The following ELFN1 variants were observed in gnomAD, a reference collection of about 807,000 sequenced individuals.
The protein encoded by ELFN1 is extracellular leucine rich repeat and fibronectin type III domain containing 1.
ELFN1 carries 6 observed loss-of-function variants against 7.6 expected under a neutral mutation model. The observed-to-expected ratio is 0.79, with a 90% CI of 0.43 to 1.56. The LOEUF (loss-of-function observed/expected upper bound fraction) is 1.56. Among genes scored for constraint, ELFN1 ranks in the 40% most tolerant of loss-of-function variants. ELFN1 has a pLI of 0.01. For missense variants in ELFN1, 1,169 were observed against 1,232.2 expected, an observed-to-expected ratio of 0.95 and a Z score of 0.77; for synonymous variants, 657 against 588.1, an observed-to-expected ratio of 1.12 and a Z score of -1.70.
At chr7:1,715,540 T>A (rs969695975) in intron 3 of ELFN1, among the ~76,000 whole-genome samples, 1 of 152,214 alleles carries the variant, frequency 6.6e-6, no homozygotes, top group Non-Finnish European at 1.5e-5. Flanking sequence ...CTGGGTCTCC[T>A]GCCCACTTCT....
chr7:1,715,005 C>A (rs977183334), intron 3 of ELFN1, among the ~76,000 whole-genome samples: 3 of 152,188 alleles, frequency 2.0e-5, no homozygotes, highest in Admixed American at 1.3e-4. Flanking sequence ...GCCATCGTAT[C>A]TGCATCCCAG....
chr7:1,701,993 C>T (rs1444293787), intron 2 of ELFN1, among the ~76,000 whole-genome samples: 4 of 151,938 alleles, frequency 2.6e-5, no homozygotes, highest in Admixed American at 2.0e-4. Flanking sequence ...AAAGTTATGC[C>T]TCCTCTCTCT....
At chr7:1,709,431 A>T (rs1779603841) in intron 3 of ELFN1, among the ~76,000 whole-genome samples, 179 bp downstream of exon 3, 1 of 152,340 alleles carries the variant, frequency 6.6e-6, no homozygotes, top group Admixed American at 6.5e-5. Flanking sequence ...CTGCCCTCAG[A>T]TGAAGGGAGT....
chr7:1,727,189 G>A (rs1259358937), intron 3 of ELFN1, among the ~76,000 whole-genome samples: 1 of 152,204 alleles, frequency 6.6e-6, no homozygotes, highest in Non-Finnish European at 1.5e-5. Context: ...TGAGAATGAA[G>A]AATGAATGAG....
chr7:1,675,829 C>T (rs530440880), intron 1 of ELFN1, among the ~76,000 whole-genome samples: 2 of 152,328 alleles, frequency 1.3e-5, no homozygotes, highest in Non-Finnish European at 2.9e-5. Flanking sequence ...GAAGGTGTCC[C>T]GGAGATACCC....
At chr7:1,692,105 A>G (rs1421765625) in intron 2 of ELFN1, 3 of 152,238 alleles carry the variant, frequency 2.0e-5, no homozygotes, top group Non-Finnish European at 4.4e-5. Flanking sequence ...CCCTCCTGGC[A>G]TCTGCTATTT....
chr7:1,716,678 C>A (rs570333673), intron 3 of ELFN1, among the ~76,000 whole-genome samples: 107 of 152,212 alleles, frequency 7.0e-4, no homozygotes, highest in Admixed American at 2.8e-3. Context: ...TGTCCCCTCC[C>A]CCTGCAAACT....
intron 3 of ELFN1, among the ~76,000 whole-genome samples, chr7:1,742,577 C>T (rs1160508821): frequency 6.6e-6 from 1 of 152,200 alleles, no homozygotes; most frequent in Non-Finnish European, 1.5e-5. Flanking sequence ...CACATCCAAC[C>T]GGACCACGTG....
chr7:1,717,722 T>C (rs1779877428), intron 3 of ELFN1, among the ~76,000 whole-genome samples: 1 of 151,968 alleles, frequency 6.6e-6, no homozygotes, highest in South Asian at 2.1e-4. Context: ...GTATGAGAGA[T>C]GGCAGAAACA....
At chr7:1,713,424 A>T (rs1371253889) in intron 3 of ELFN1, among the ~76,000 whole-genome samples, 2 of 152,154 alleles carry the variant, frequency 1.3e-5, no homozygotes, top group African/African-American at 4.8e-5. Context: ...GATCCCTTCT[A>T]GGGACATCCT....
intron 3 of ELFN1, among the ~76,000 whole-genome samples, chr7:1,718,195 C>A (rs575161756): frequency 1.3e-5 from 2 of 152,326 alleles, no homozygotes; most frequent in South Asian, 2.1e-4. Flanking sequence ...CACTTCAACT[C>A]CACTCACGTC....
At chr7:1,743,174 C>T (rs954566151) in intron 3 of ELFN1, among the ~76,000 whole-genome samples, 8 of 152,192 alleles carry the variant, frequency 5.3e-5, no homozygotes, top group Non-Finnish European at 1.2e-4. Flanking sequence ...GTCCTTCCTG[C>T]CTGGGGCTTC....
At position 1,704,572 on chromosome 7, in the gene ELFN1, C is replaced by T. The variant is rs192546260; in HGVS notation, c.-455-4519C>T. Among the ~76,000 whole-genome samples, 5 of 152,084 alleles carry T rather than the reference C, an allele frequency of 3.3e-5. No individual in the cohort carries two copies. The East Asian group carries it at 7.7e-4, about 24-fold the overall frequency. On this transcript the variant is annotated intron_variant, in intron 2 of 3. Coordinates refer to ENST00000424383, the MANE Select transcript of ELFN1 (RefSeq NM_001128636.4). The stretch of plus-strand genomic sequence containing the variant: ...CTCCTCCCCACCCCAGGAGGCTCCA[C>T]CTACAGCAGTACTAGGTGGGGGTCA...
chr7:1,675,362 C>A (rs974317228), intron 1 of ELFN1, among the ~76,000 whole-genome samples: 3 of 152,216 alleles, frequency 2.0e-5, no homozygotes, highest in African/African-American at 7.2e-5. Flanking sequence ...CAGGTGCACA[C>A]CCCGGCATTG....
intron 3 of ELFN1, among the ~76,000 whole-genome samples, chr7:1,710,140 T>A (rs951897417): frequency 6.6e-6 from 1 of 152,258 alleles, no homozygotes; most frequent in Non-Finnish European, 1.5e-5. Context: ...AATAAATAGC[T>A]TGTCTTCCAT....
upstream of ELFN1, among the ~76,000 whole-genome samples, chr7:1,669,710 G>A (rs368535714): frequency 4.6e-5 from 7 of 152,198 alleles, no homozygotes; most frequent in African/African-American, 1.7e-4. Context: ...CTGGGCAGAG[G>A]AGGCCCGGCC....
Position 1,745,717 on chromosome 7 carries a change from T to C in ELFN1, c.1121T>C (p.Leu374Pro), listed in dbSNP as rs1780760532. The C allele has an allele frequency of 6.4e-7, 1 of 1,551,260 alleles. No homozygotes were observed. The highest frequency in any genetic ancestry group is 1.4e-5 in the African/African-American group (1 of 72,992). The change falls in exon 4 of 4, where the codon CTC becomes CCC. Residue 374 changes from leucine to proline, a missense_variant. Physicochemically the swap from Leu to Pro is moderately conservative, Grantham distance 98. Transcript: ENST00000424383. ...ATCCGTCTGACCAACCTGTTCACGC[T>C]CACCAACTACACCTACTGCGTGGTG... Reference protein sequence around the residue: ...EEIRLTNLFTLTNYTYCVVST... With the variant: ...EEIRLTNLFTPTNYTYCVVST...
chr7:1,701,582 G>A (rs984693916), intron 2 of ELFN1, among the ~76,000 whole-genome samples: 2 of 152,200 alleles, frequency 1.3e-5, no homozygotes, highest in South Asian at 4.1e-4. Flanking sequence ...GGCTGAGGTG[G>A]GAGGACTGCT....
chr7:1,736,809 C>T (rs1780460303), intron 3 of ELFN1, among the ~76,000 whole-genome samples: 1 of 152,162 alleles, frequency 6.6e-6, no homozygotes, highest in African/African-American at 2.4e-5. Context: ...TGCCTGGCCT[C>T]TCCTGCTGTG....
Sources: allele counts gnomAD v4.1 joint callset (sites outside exome capture counted in the v4.1 genomes callset), GRCh38; gene constraint gnomAD v4.1.1; transcripts MANE v1.5; gene names NCBI Gene and HGNC (gene_info 2026-07-23, HGNC 2026-07-21).